Variants in FBH1 observed in about 807,000 individuals in gnomAD.
FBH1 encodes the protein DNA 3'-5' helicase 1.
In FBH1, 43 loss-of-function variants were observed where a neutral mutation model predicts 115.5. The ratio of observed to expected loss-of-function variants is 0.37; its 90% CI spans 0.29 to 0.48. FBH1 has a LOEUF of 0.48. Among genes scored for constraint, FBH1 ranks in the 20% least tolerant of loss-of-function variants. The pLI, the probability that FBH1 is intolerant of heterozygous loss-of-function variation, is 0.99. For synonymous variants in FBH1, 524 were observed against 507.8 expected, an observed-to-expected ratio of 1.03 and a Z score of -0.43; for missense variants, 1,001 against 1,337.3, an observed-to-expected ratio of 0.75 and a Z score of 3.92.
rs777352144 is a variant in FBH1, at chr10:5,925,000, GA to G, written c.2597-366del. Among the ~76,000 whole-genome samples, 24 of 152,156 alleles carry G rather than the reference GA, an allele frequency of 1.6e-4. No individual in the cohort carries two copies. Among genetic ancestry groups the G allele is most frequent in the Non-Finnish European group, 3.1e-4 (21 of 68,034 alleles). On this transcript the variant is annotated intron_variant, in intron 17 of 20. Coordinates refer to ENST00000362091, the MANE Select transcript of FBH1 (RefSeq NM_178150.3). This position sits in a 1 kb window ranked among gnomAD's most constrained non-coding sequence, Gnocchi z 6.2. ...TTCTACTTTCAAGCCCGTACAATGG[GA>G]TTTTCTAGTCCCAGCTCTGCCACGT... is the stretch of plus-strand genomic sequence containing the variant.
rs367715134 is a variant in FBH1, at chr10:5,901,568, CTTTTTTT to C, written c.2-1442_2-1436del. Among the ~76,000 whole-genome samples, 4 of 130,430 alleles carry C rather than the reference CTTTTTTT, an allele frequency of 3.1e-5. No individual in the cohort carries two copies. The South Asian group carries it at 9.9e-4, about 32-fold the overall frequency. The allele number at this position is 130,430 out of a possible 152,430, so 85.6% of individuals were successfully genotyped here. On this transcript the variant is annotated intron_variant, in intron 1 of 20. Transcript: ENST00000362091. ...AACTTTAATTCTTTTTTTTCTTTTT[CTTTTTTT>C]TTTTTTTTTGAGATGGAGTTGTACT...
intron 3 of FBH1, among the ~76,000 whole-genome samples, chr10:5,907,025 C>T (rs544086141): frequency 5.9e-5 from 9 of 151,774 alleles, no homozygotes; most frequent in Non-Finnish European, 1.3e-4. Flanking sequence ...TGCAGTGGCA[C>T]GATCCTGACT....
rs942255004 is a variant in FBH1, at chr10:5,900,668, G to T, written c.2-2352G>T. ...ATGAAGTTTTTTTTTAAAAAAGCTG[G>T]TATTAAACCTTGAAAAAGTTAACTG... On this transcript the variant is annotated intron_variant, in intron 1 of 20. Transcript: ENST00000362091. The surrounding 1 kb of genome is among the most constrained non-coding windows in gnomAD (Gnocchi z 4.2). 1.3e-5 allele frequency among the ~76,000 whole-genome samples: 2 copies of T among 152,174 alleles called. No homozygotes were observed. The highest frequency in any genetic ancestry group is 6.5e-5 in the Admixed American group (1 of 15,280).
intron 1 of FBH1, among the ~76,000 whole-genome samples, chr10:5,902,529 C>T (rs1004329277): frequency 1.6e-4 from 25 of 152,072 alleles, no homozygotes; most frequent in African/African-American, 5.8e-4. Flanking sequence ...TGCAGTGGTG[C>T]GATCTCAGCT....
intron 1 of FBH1, chr10:5,891,235 T>C (rs1242095780): frequency 1.1e-6 from 1 of 948,266 alleles, no homozygotes; most frequent in African/African-American, 1.8e-5. Flanking sequence ...CCCATGAAGA[T>C]AAGTCCGTTT....
Position 5,923,651 on chromosome 10 carries a change from A to T in FBH1, c.2353A>T (p.Ile785Phe), listed in dbSNP as rs556256147. ...GIKSFGLDRI[I>F]DIWILLQPEE... Reference sequence around the variant, plus strand: ...TAAATCATTTGGATTGGACAGAATCATTGATATTTGGATCCTTCTTCAGCC... The same window carrying T: ...TAAATCATTTGGATTGGACAGAATCTTTGATATTTGGATCCTTCTTCAGCC... The change falls in exon 16 of 21, where the codon ATT becomes TTT. Residue 785 changes from isoleucine to phenylalanine, a missense_variant. By Grantham distance (21) the Ile-to-Phe change is conservative (BLOSUM62 0). Around this residue, in one of 4 missense-constraint regions of FBH1, gnomAD observed 521 missense variants for 811.0 expected, o/e 0.64. Coordinates refer to ENST00000362091, the MANE Select transcript of FBH1 (RefSeq NM_178150.3). This position sits in a 1 kb window ranked among gnomAD's most constrained non-coding sequence, Gnocchi z 5.7. 1 of 1,614,216 alleles carries T rather than the reference A, an allele frequency of 6.2e-7. No individual in the cohort carries two copies. Among genetic ancestry groups the T allele is most frequent in the East Asian group, 2.2e-5 (1 of 44,888 alleles).
In FBH1 at chr10:5,906,061, C is replaced by A; in HGVS notation, c.182C>A (p.Pro61His). ...GGTCAGGGAAGTCAAAGATGCATCC[C>A]TGAGTTCTTCCTAGCAGGCAAGCAG... The part of the protein sequence containing the change: ...SRGQGSQRCI[P>H]EFFLAGKQPC... Residue 61 changes from proline to histidine, a missense_variant, in exon 3 of 21, where the codon CCT (proline) becomes CAT (histidine). Physicochemically the swap from Pro to His is moderately conservative, Grantham distance 77. Transcript: ENST00000362091. The surrounding 1 kb of genome is among the most constrained non-coding windows in gnomAD (Gnocchi z 7.3). 1 of 1,610,582 alleles carries A rather than the reference C, an allele frequency of 6.2e-7. No homozygotes were observed. Among genetic ancestry groups the A allele is most frequent in the South Asian group, 1.1e-5 (1 of 91,016 alleles).
At chr10:5,903,856 C>G (rs999513210) in intron 2 of FBH1, among the ~76,000 whole-genome samples, 1 of 152,178 alleles carries the variant, frequency 6.6e-6, no homozygotes, top group African/African-American at 2.4e-5. Flanking sequence ...CAAAATATTC[C>G]TTCATCCTGA....
chr10:5,928,141 ATTAG>A (rs1458766733), intron 19 of FBH1, among the ~76,000 whole-genome samples: 1 of 136,502 alleles, frequency 7.3e-6, no homozygotes, highest in Non-Finnish European at 1.6e-5. Context: ...CCTTTACTCA[ATTAG>A]TTCTTTTTTT....
chr10:5,893,971 C>A (rs552316731), intron 1 of FBH1: 2 of 984,822 alleles, frequency 2.0e-6, no homozygotes, highest in Non-Finnish European at 2.4e-6. Context: ...TCCTTTCTTT[C>A]TTTAGGAAAA....
intron 2 of FBH1, 79 bp from the exon 3 acceptor site, chr10:5,905,958 A>T: frequency 1.0e-5 from 10 of 973,268 alleles, no homozygotes; most frequent in Non-Finnish European, 1.6e-5. Flanking sequence ...ATTGAAAATT[A>T]GTGTGTCTTA....
At position 5,916,291 on chromosome 10, in the gene FBH1, C is replaced by T. The variant is rs200301391; in HGVS notation, c.1623C>T (p.Ser541=). 2.7e-5 allele frequency: 43 copies of T among 1,614,070 alleles called. No individual in the cohort carries two copies. Among genetic ancestry groups the T allele is most frequent in the Middle Eastern group, 3.3e-4 (2 of 6,084 alleles). Residue 541 remains serine, a synonymous_variant, in exon 10 of 21, where the codon TCC becomes TCT. Coordinates refer to ENST00000362091, the MANE Select transcript of FBH1 (RefSeq NM_178150.3). ...AGTTAACACCCTTCATGGTCAACTCCGTCCTTGCTGAAGGGAAGGGTGGAT... is the reference window on the plus strand; with the variant it reads ...AGTTAACACCCTTCATGGTCAACTCTGTCCTTGCTGAAGGGAAGGGTGGAT... ...LFKLTPFMVN[S]VLAEGKGGFI...
In FBH1 at chr10:5,910,958, G is replaced by A. The variant is rs1017715115; in HGVS notation, c.1041G>A (p.Leu347=). The part of the protein sequence containing the change: ...AAAGGVNIWA[L]VAAVVLLSSS... The stretch of plus-strand genomic sequence containing the variant: ...TGCAGGGTGTCAACATCTGGGCCCT[G>A]GTGGCGGCTGTGGTGCTCCTCTCCA... The change falls in exon 6 of 21, where the codon CTG becomes CTA. Residue 347 remains leucine (L), a synonymous_variant. Transcript: ENST00000362091. The surrounding 1 kb of genome is among the most constrained non-coding windows in gnomAD (Gnocchi z 4.8). 6.2e-7 allele frequency: 1 copy of A among 1,610,888 alleles called. No homozygotes were observed. The highest frequency in any genetic ancestry group is 2.2e-5 in the East Asian group (1 of 44,884).
chr10:5,912,361 TAAAA>T (rs34703842), intron 6 of FBH1, among the ~76,000 whole-genome samples: 188 of 138,418 alleles, frequency 1.4e-3, no homozygotes, highest in Non-Finnish European at 6.0e-4. Context: ...AGGCTCTGTC[TAAAA>T]AAAAAAAAAA....
chr10:5,929,277 C>G (rs1243115492), intron 19 of FBH1: 1 of 152,196 alleles, frequency 6.6e-6, no homozygotes, highest in Non-Finnish European at 1.5e-5. Flanking sequence ...AATAAATACT[C>G]TACATGACAC....
chr10:5,895,031 A>C lies in FBH1; in HGVS notation c.1+4685A>C. 6.2e-7 allele frequency: 1 copy of C among 1,604,330 alleles called. No individual in the cohort carries two copies. On this transcript the variant is annotated intron_variant, in intron 1 of 20. Transcript: ENST00000362091. The surrounding 1 kb of genome is among the most constrained non-coding windows in gnomAD (Gnocchi z 5.0). ...TGAGAGATAACACAGTTAACTGTTG[A>C]AATTGGGCCATTCCCGTTTCACAGG...
Position 5,910,253 on chromosome 10 carries a change from G to A in FBH1, c.1021-685G>A, listed in dbSNP as rs1342237432. Among the ~76,000 whole-genome samples, 1 of 151,652 alleles carries A rather than the reference G, an allele frequency of 6.6e-6. No homozygotes were observed. Among genetic ancestry groups the A allele is most frequent in the Non-Finnish European group, 1.5e-5 (1 of 67,968 alleles). ...GCTGAGATCGCGCCACTGCACTCCA[G>A]CCTGTGTGACAGAGTCAGACTTTGT... On this transcript the variant is annotated intron_variant, in intron 5 of 20. Transcript: ENST00000362091. This position sits in a 1 kb window ranked among gnomAD's most constrained non-coding sequence, Gnocchi z 4.8.
chr10:5,916,825 A>G (rs540106769), intron 10 of FBH1, among the ~76,000 whole-genome samples: 2 of 152,320 alleles, frequency 1.3e-5, no homozygotes, highest in African/African-American at 4.8e-5. Context: ...CTGTAGGCCC[A>G]TGGTGATGGC....
In FBH1 at chr10:5,927,421, T is replaced by G; in HGVS notation, c.2723-14T>G. ...GGCTTTTTAGTTGATTTTTTTCCCC[T>G]TTACTTTGTTTAGAGTCATTTTCTG... On this transcript the variant is annotated splice_polypyrimidine_tract_variant and intron_variant, in intron 18 of 20. Transcript: ENST00000362091. The G allele has an allele frequency of 6.3e-7, 1 of 1,593,280 alleles. No homozygotes were observed. The highest frequency in any genetic ancestry group is 8.6e-7 in the Non-Finnish European group (1 of 1,167,466).
Sources: gnomAD v4.1 joint callset for allele counts (sites outside exome capture counted in the v4.1 genomes callset) on GRCh38, gnomAD v4.1.1 for gene constraint, gnomAD v4.1.1 regional missense constraint, Gnocchi (gnomAD v3.1) non-coding constraint, MANE v1.5 for transcripts, NCBI Gene and HGNC (gene_info 2026-07-23, HGNC 2026-07-21) for gene names.